Variants in PRR5 observed in about 807,000 individuals in gnomAD.
PRR5 encodes proline rich 5, also known as proline-rich protein 5.
A neutral mutation model predicts 30.6 loss-of-function variants in PRR5; 25 were observed. That is an observed-to-expected ratio of 0.82 (90% CI 0.60 to 1.14). The LOEUF is 1.14. Ranked by LOEUF, PRR5 falls within the 50% of genes most tolerant of loss-of-function variation. PRR5 has a pLI of 0.00. For missense variants in PRR5, 600 were observed against 547.1 expected (o/e 1.10, Z -0.96); for synonymous variants, 286 against 247.1 (o/e 1.16, Z -1.48).
At chr22:44,733,872 C>T (rs898451565) in intron 6 of PRR5, among the ~76,000 whole-genome samples, 11 of 152,210 alleles carry the variant, frequency 7.2e-5, no homozygotes, top group African/African-American at 2.4e-4. Context: ...CCCCCAGGGA[C>T]GTGGCCTGGA....
chr22:44,712,378 A>G (rs1457099136), intron 1 of PRR5, among the ~76,000 whole-genome samples: 1 of 152,174 alleles, frequency 6.6e-6, no homozygotes. Context: ...CACAGCCCCC[A>G]TGCTGCTCAG....
chr22:44,735,025 AG>A lies in PRR5; in HGVS notation c.559del, dbSNP rs1922946906. On this transcript the variant is annotated splice_acceptor_variant, in intron 6 of 7. Coordinates refer to ENST00000336985, the MANE Select transcript of PRR5 (RefSeq NM_181333.4). LOFTEE classifies it high-confidence loss of function. Reference sequence around the variant, plus strand: ...CCTACCCCCTGCCCCACTCTCCTGCAGGGGGTACATGAGTCCAGGGGCGTGA... The same window carrying A: ...CCTACCCCCTGCCCCACTCTCCTGCAGGGGTACATGAGTCCAGGGGCGTGA... 2 of 1,611,818 alleles carry A rather than the reference AG, an allele frequency of 1.2e-6. No homozygotes were observed. The highest frequency in any genetic ancestry group is 1.7e-6 in the Non-Finnish European group (2 of 1,179,000).
Position 44,729,255 on chromosome 22 carries a change from T to C in PRR5, c.323-2475T>C, listed in dbSNP as rs572636857. On this transcript the variant is annotated intron_variant, in intron 4 of 7. Transcript: ENST00000336985. Reference sequence around the variant, plus strand: ...CAGCGCGTGGCTTTTGTCACTGCCCTGCGCTCCTCACTGTTCCTGAGTCTC... The same window carrying C: ...CAGCGCGTGGCTTTTGTCACTGCCCCGCGCTCCTCACTGTTCCTGAGTCTC... 9.9e-6 allele frequency: 9 copies of C among 910,480 alleles called. No individual in the cohort carries two copies. In the East Asian group the frequency reaches 9.5e-4, roughly 96 times the overall value. The allele number at this position is 910,480 out of a possible 1,614,324, so 56.4% of individuals were successfully genotyped here. A position where few individuals can be genotyped will look rare whatever the true frequency, so the allele number is the denominator to read the frequency against.
rs1926433260 is a variant in PRR5 at position 44,702,266 on chromosome 22, G to A, written c.-209G>A. Reference sequence around the variant, plus strand: ...CTGGCGCTCCACGCTGAGCCTCTCCGTGCAATGATTAACCCGGCGGGGCGG... The same window carrying A: ...CTGGCGCTCCACGCTGAGCCTCTCCATGCAATGATTAACCCGGCGGGGCGG... On this transcript the variant is annotated 5_prime_UTR_variant, in exon 1 of 8. In the 5' UTR this introduces an upstream ATG that the reference lacks. Coordinates refer to ENST00000336985, the MANE Select transcript of PRR5 (RefSeq NM_181333.4). 3.5e-6 allele frequency: 4 copies of A among 1,140,920 alleles called. No homozygotes were observed. The highest frequency in any genetic ancestry group is 4.3e-6 in the Non-Finnish European group (4 of 929,218). 70.7% of individuals were successfully genotyped at this position (1,140,920 alleles called of 1,614,324 possible). A position where few individuals can be genotyped will look rare whatever the true frequency, so the allele number is the denominator to read the frequency against.
At chr22:44,708,468 C>T (rs76456802) in intron 1 of PRR5, among the ~76,000 whole-genome samples, 13,444 of 152,138 alleles carry the variant, frequency 0.088, 921 homozygotes, top group African/African-American at 0.2. Flanking sequence ...TGGACAGGAA[C>T]CAGCTGAGGC....
intron 1 of PRR5, among the ~76,000 whole-genome samples, chr22:44,669,406 G>A (rs1282445012): frequency 6.6e-6 from 1 of 152,172 alleles, no homozygotes; most frequent in Non-Finnish European, 1.5e-5. Context: ...AGTGGGTGGG[G>A]GCAGGTGGAG....
At chr22:44,731,320 C>T (rs973960342) in intron 4 of PRR5, 6 of 284,342 alleles carry the variant, frequency 2.1e-5, no homozygotes, top group African/African-American at 6.5e-5. Flanking sequence ...GTCAGGCGTA[C>T]GTGTAGGGGT....
chr22:44,708,966 CAAA>C (rs60854330), intron 1 of PRR5, among the ~76,000 whole-genome samples: 108 of 64,414 alleles, frequency 1.7e-3, no homozygotes, highest in African/African-American at 4.4e-3. Context: ...GACTCTGTCT[CAAA>C]AAAAAAAAAA....
rs36082900 is a variant in PRR5 at position 44,736,807 on chromosome 22, G to T, written c.727G>T (p.Val243Leu). The change falls in exon 8 of 8, where the codon GTG (valine) becomes TTG (leucine). Residue 243 changes from valine to leucine, a missense_variant. Transcript: ENST00000336985. ...RLLRRSRSGD[V>L]LAKNPVVRSK... is the part of the protein sequence containing the mutation. ...CCTCCGCCGCTCCCGCTCGGGGGAC[G>T]TGCTGGCCAAGAACCCTGTGGTGCG... 1 of 1,574,664 alleles carries T rather than the reference G, an allele frequency of 6.4e-7. No homozygotes were observed.
chr22:44,681,732 G>GC (rs1924308099), intron 1 of PRR5, among the ~76,000 whole-genome samples: 1 of 152,232 alleles, frequency 6.6e-6, no homozygotes, highest in Non-Finnish European at 1.5e-5. Flanking sequence ...CAGGGGCCCT[G>GC]CTGGGAAAGA....
intron 4 of PRR5, chr22:44,731,509 C>G: frequency 1.7e-6 from 1 of 589,850 alleles, no homozygotes; most frequent in Non-Finnish European, 3.0e-6. Flanking sequence ...AGGCCAATCC[C>G]TTTACTGCCA....
intron 1 of PRR5, among the ~76,000 whole-genome samples, chr22:44,710,955 A>G (rs897789925): frequency 2.0e-5 from 3 of 151,856 alleles, no homozygotes; most frequent in African/African-American, 4.8e-5. Context: ...TGAGAAGTCC[A>G]TTTTCCAGAT....
intron 2 of PRR5, among the ~76,000 whole-genome samples, chr22:44,718,117 CT>C (rs889018077): frequency 6.6e-5 from 10 of 151,630 alleles, no homozygotes; most frequent in Admixed American, 2.0e-4. Flanking sequence ...TTCTTTCTAC[CT>C]TTTGGCTGTG....
intron 1 of PRR5, among the ~76,000 whole-genome samples, chr22:44,689,985 A>G (rs1426810662): frequency 6.6e-6 from 1 of 152,180 alleles, no homozygotes; most frequent in Non-Finnish European, 1.5e-5. Flanking sequence ...GAACAGGAGA[A>G]GGCACTGCTG....
Position 44,736,967 on chromosome 22 carries a change from C to T in PRR5, c.887C>T (p.Ser296Phe), listed in dbSNP as rs148215157. The change falls in exon 8 of 8, where the codon TCC becomes TTC. Residue 296 changes from serine to phenylalanine, a missense_variant. By Grantham distance (155) the Ser-to-Phe change is radical. Coordinates refer to ENST00000336985, the MANE Select transcript of PRR5 (RefSeq NM_181333.4). Reference protein sequence around the residue: ...MTSCPEPQGFSDPPGQGPTGT... With the variant: ...MTSCPEPQGFFDPPGQGPTGT... ...TCCTGCCCCGAGCCTCAGGGCTTCTCCGACCCGCCCGGCCAGGGCCCCACC... is the reference window on the plus strand; with the variant it reads ...TCCTGCCCCGAGCCTCAGGGCTTCTTCGACCCGCCCGGCCAGGGCCCCACC... 2.5e-6 allele frequency: 4 copies of T among 1,602,066 alleles called. No individual in the cohort carries two copies. Among genetic ancestry groups the T allele is most frequent in the African/African-American group, 1.3e-5 (1 of 74,890 alleles).
At position 44,692,026 on chromosome 22, in the gene PRR5, G is replaced by A. The variant is rs537363218; in HGVS notation, c.-10-10466G>A. Among the ~76,000 whole-genome samples the A allele has an allele frequency of 3.3e-3, 498 of 152,232 alleles. 5 individuals are homozygous for A. Among genetic ancestry groups the A allele is most frequent in the African/African-American group, 0.012 (485 of 41,518 alleles). ...TCCTGCCTCCCTACCCTGCTGGACC[G>A]GAATTTCTGACTGGGAATAGTCATT... On this transcript the variant is annotated intron_variant, in intron 1 of 8. Coordinates refer to the PRR5 transcript ENST00000006251.
chr22:44,704,639 G>C (rs181659094), intron 1 of PRR5, among the ~76,000 whole-genome samples: 2 of 151,974 alleles, frequency 1.3e-5, no homozygotes, highest in African/African-American at 4.8e-5. Flanking sequence ...CCTCTTATGT[G>C]CCAGGCCCCA....
In PRR5 at chr22:44,681,899, G is replaced by A. The variant is rs377544920; in HGVS notation, c.-11+4659G>A. ...CCTGGAGGGCAGGCAGGAGGAGGAA[G>A]CCCAGCCACAGGGAGGCCAATGTGG... On this transcript the variant is annotated intron_variant, in intron 1 of 8. Transcript: ENST00000006251. Among the ~76,000 whole-genome samples the A allele has an allele frequency of 5.3e-5, 8 of 152,206 alleles. No individual in the cohort carries two copies. In the East Asian group the frequency reaches 7.7e-4, roughly 15 times the overall value.
In PRR5 at chr22:44,737,313, G is replaced by A; in HGVS notation, c.*66G>A. 6.6e-7 allele frequency: 1 copy of A among 1,520,774 alleles called. No individual in the cohort carries two copies. The highest frequency in any genetic ancestry group is 8.8e-7 in the Non-Finnish European group (1 of 1,133,790). 94.2% of individuals were successfully genotyped at this position (1,520,774 alleles called of 1,614,324 possible). On this transcript the variant is annotated 3_prime_UTR_variant, in exon 8 of 8. Transcript: ENST00000336985. ...GTGTGCGGGGGTGTCCATGTGGCGTGTGTGTGAGTGAGACTTTTTTACTGC... is the reference window on the plus strand; with the variant it reads ...GTGTGCGGGGGTGTCCATGTGGCGTATGTGTGAGTGAGACTTTTTTACTGC...
Sources: allele counts gnomAD v4.1 joint callset (sites outside exome capture counted in the v4.1 genomes callset), GRCh38; gene constraint gnomAD v4.1.1; transcripts MANE v1.5; gene names NCBI Gene and HGNC (gene_info 2026-07-23, HGNC 2026-07-21).